Variants in TRRAP observed in about 807,000 individuals in gnomAD.
TRRAP encodes transformation/transcription domain-associated protein.
In TRRAP, 41 loss-of-function variants were observed where a neutral mutation model predicts 438.8. The observed-to-expected ratio is 0.09, with a 90% CI of 0.07 to 0.12. The LOEUF (loss-of-function observed/expected upper bound fraction) is 0.12. TRRAP is among the 10% of genes least tolerant of loss of function. The pLI is 1.00. For missense variants in TRRAP, 3,122 were observed against 5,055.1 expected (o/e 0.62, Z 11.60); for synonymous variants, 1,994 against 1,962.9 (o/e 1.02, Z -0.42).
chr7:98,892,630 C>T, intron 5 of TRRAP, 102 bp downstream of exon 5: 1 of 1,017,216 alleles, frequency 9.8e-7, no homozygotes, highest in Non-Finnish European at 1.4e-6. Flanking sequence ...TTATCTTTCT[C>T]CCAAATTCCA....
chr7:98,906,375 T>G (rs1388208233), intron 13 of TRRAP, 120 bp downstream of exon 13: 2 of 507,444 alleles, frequency 3.9e-6, no homozygotes, highest in African/African-American at 4.1e-5. Context: ...ACCTGTTAGG[T>G]TAGCAAGTGC....
chr7:98,948,765 T>C lies in TRRAP; in HGVS notation c.4788+80T>C. The C allele has an allele frequency of 1.9e-6, 3 of 1,602,122 alleles. No homozygotes were observed. Among genetic ancestry groups the C allele is most frequent in the Non-Finnish European group, 2.6e-6 (3 of 1,174,102 alleles). The stretch of plus-strand genomic sequence containing the variant: ...CGTGCTCTGAAATGTTCAGTTCATA[T>C]TTCACTATTCAGTGTCCTGGCTGCT... On this transcript the variant is annotated intron_variant, in intron 35 of 72. Coordinates refer to ENST00000456197, the MANE Select transcript of TRRAP (RefSeq NM_001375524.1). The surrounding 1 kb of genome is among the most constrained non-coding windows in gnomAD (Gnocchi z 4.9).
intron 67 of TRRAP, among the ~76,000 whole-genome samples, chr7:99,000,655 C>T (rs958198102): frequency 6.6e-6 from 1 of 152,250 alleles, no homozygotes; most frequent in Admixed American, 6.5e-5. Context: ...TGGGGCAGGC[C>T]GCAGCCTAGC....
intron 65 of TRRAP, among the ~76,000 whole-genome samples, chr7:98,993,292 G>A (rs942672764): frequency 2.0e-5 from 3 of 152,214 alleles, no homozygotes; most frequent in African/African-American, 2.4e-5. Flanking sequence ...ACACATACAC[G>A]GGTTTATTTA....
At chr7:98,897,712 GA>G (rs1554405988) in intron 7 of TRRAP, 28 bp from the exon 8 acceptor site, 1 of 1,591,096 alleles carries the variant, frequency 6.3e-7, no homozygotes. Context: ...TTGACTTTAG[GA>G]AAAAATATTT....
In TRRAP at chr7:98,888,642, C is replaced by T. The variant is rs375232013; in HGVS notation, c.151-1693C>T. Among the ~76,000 whole-genome samples, 12 of 152,310 alleles carry T rather than the reference C, an allele frequency of 7.9e-5. No homozygotes were observed. In the East Asian group the frequency reaches 1.9e-3, roughly 24 times the overall value. ...CTCGTGCTTTCTCTTGATTTTGTGCCTTTGCATGTGCTTTTCTTAGAATCT... is the reference window on the plus strand; with the variant it reads ...CTCGTGCTTTCTCTTGATTTTGTGCTTTTGCATGTGCTTTTCTTAGAATCT... On this transcript the variant is annotated intron_variant, in intron 3 of 72. Transcript: ENST00000456197.
rs377168616 is a variant in TRRAP, at chr7:98,970,099, G to A, written c.7513-13G>A. 29 of 1,612,458 alleles carry A rather than the reference G, an allele frequency of 1.8e-5. No individual in the cohort carries two copies. Among genetic ancestry groups the A allele is most frequent in the East Asian group, 6.7e-5 (3 of 44,870 alleles). ...CATGCCTTGGGTCTGTCTCCTTTCC[G>A]CACCCCTTGCAGCTGCTTCTGGCCG... On this transcript the variant is annotated splice_polypyrimidine_tract_variant and intron_variant, in intron 51 of 72. Coordinates refer to ENST00000456197, the MANE Select transcript of TRRAP (RefSeq NM_001375524.1).
intron 20 of TRRAP, among the ~76,000 whole-genome samples, chr7:98,918,227 C>CTTTTTTTTTTTTTTTTT (rs71118647): frequency 1.2e-5 from 1 of 83,206 alleles, no homozygotes; most frequent in Non-Finnish European, 2.5e-5. Flanking sequence ...GGGTTATATT[C>CTTTTTTTTTTTTTTTTT]TTTTTTTTTT....
rs1554405635 is a variant in TRRAP, at chr7:98,895,768, A to G, written c.455A>G (p.His152Arg). ...QFRPPITQEIHHFLDFVKQIY... is the reference protein window; with the variant it reads ...QFRPPITQEIRHFLDFVKQIY... Reference sequence around the variant, plus strand: ...GAAAGTGTCTGCTTTTTTTAGATTCATCATTTTCTGGATTTTGTGAAACAG... The same window carrying G: ...GAAAGTGTCTGCTTTTTTTAGATTCGTCATTTTCTGGATTTTGTGAAACAG... Residue 152 changes from histidine (H) to arginine (R), a missense_variant, in exon 7 of 73, where the codon CAT becomes CGT. By Grantham distance (29) the His-to-Arg change is conservative. Around this residue, in one of 24 missense-constraint regions of TRRAP, gnomAD observed 343 missense variants for 564.0 expected, o/e 0.61. Transcript: ENST00000456197. 1 of 1,602,962 alleles carries G rather than the reference A, an allele frequency of 6.2e-7. No individual in the cohort carries two copies. The highest frequency in any genetic ancestry group is 8.5e-7 in the Non-Finnish European group (1 of 1,175,426).
At chr7:98,982,795 C>G (rs1792990943) in intron 59 of TRRAP, among the ~76,000 whole-genome samples, 1 of 152,140 alleles carries the variant, frequency 6.6e-6, no homozygotes, top group East Asian at 1.9e-4. Flanking sequence ...CCAAAGAGGT[C>G]ATGAGAACCA....
intron 67 of TRRAP, among the ~76,000 whole-genome samples, chr7:98,997,776 C>T (rs1366041870): frequency 6.6e-6 from 1 of 152,156 alleles, no homozygotes; most frequent in Non-Finnish European, 1.5e-5. Context: ...GACAAGTCAC[C>T]TTAAGTCTAG....
chr7:98,982,891 G>A (rs1012495924), intron 59 of TRRAP, among the ~76,000 whole-genome samples: 4 of 152,184 alleles, frequency 2.6e-5, no homozygotes, highest in African/African-American at 9.7e-5. Flanking sequence ...AGGCTGTCCC[G>A]ACCTTAGGCA....
intron 11 of TRRAP, among the ~76,000 whole-genome samples, chr7:98,902,346 T>C (rs559801794): frequency 6.6e-6 from 1 of 152,334 alleles, no homozygotes; most frequent in African/African-American, 2.4e-5. Context: ...AAATACCTTA[T>C]CTCCTTTTAG....
At chr7:98,993,433 G>A (rs551031918) in intron 65 of TRRAP, 105 bp from the exon 66 acceptor site, 53 of 1,245,214 alleles carry the variant, frequency 4.3e-5, no homozygotes, top group East Asian at 1.8e-4. Flanking sequence ...GGATTCACAC[G>A]CCGGCAGGAA....
chr7:98,932,183 G>T (rs894095400), intron 26 of TRRAP, among the ~76,000 whole-genome samples: 8 of 151,868 alleles, frequency 5.3e-5, no homozygotes, highest in Admixed American at 2.6e-4. Context: ...GCATGATCTT[G>T]GCTCACTGCA....
chr7:98,967,001 G>A (rs768399810), intron 49 of TRRAP, 40 bp from the exon 50 acceptor site: 43 of 1,586,330 alleles, frequency 2.7e-5, no homozygotes, highest in Non-Finnish European at 3.4e-5. Flanking sequence ...GCAGATGGTT[G>A]AAATACTTTT....
intron 30 of TRRAP, among the ~76,000 whole-genome samples, chr7:98,941,526 C>A (rs1241622052): frequency 6.6e-6 from 1 of 152,040 alleles, no homozygotes; most frequent in African/African-American, 2.4e-5. Context: ...TTTTATATAC[C>A]CATTAGTGTC....
chr7:98,987,520 C>T (rs1412084042), intron 62 of TRRAP, among the ~76,000 whole-genome samples: 1 of 152,082 alleles, frequency 6.6e-6, no homozygotes, highest in Admixed American at 6.6e-5. Flanking sequence ...TTGGAAATAC[C>T]AGGGTTTTGT....
intron 39 of TRRAP, 55 bp downstream of exon 39, chr7:98,951,059 CTGTGTGTGTGTGTGTGTG>C (rs67173253): frequency 5.4e-5 from 52 of 969,246 alleles, no homozygotes; most frequent in Non-Finnish European, 6.6e-5. Context: ...GGATGAACAT[CTGTGTGTGTGTGTGTGTG>C]TGTGTGTGTG....
Sources: gnomAD v4.1 joint callset for allele counts (sites outside exome capture counted in the v4.1 genomes callset) on GRCh38, gnomAD v4.1.1 for gene constraint, gnomAD v4.1.1 regional missense constraint, Gnocchi (gnomAD v3.1) non-coding constraint, MANE v1.5 for transcripts, NCBI Gene and HGNC (gene_info 2026-07-23, HGNC 2026-07-21) for gene names.